SYCP2L: variants seen among roughly 807,000 people sequenced by gnomAD.
SYCP2L encodes the protein synaptonemal complex protein 2-like.
A neutral mutation model predicts 125.8 loss-of-function variants in SYCP2L; 98 were observed. The ratio of observed to expected loss-of-function variants is 0.78; its 90% confidence interval spans 0.66 to 0.92. The LOEUF (loss-of-function observed/expected upper bound fraction) is 0.92. SYCP2L is among the 40% of genes least tolerant of loss of function. The pLI is 0.00. For synonymous variants in SYCP2L, 317 were observed against 325.4 expected (o/e 0.97, Z 0.28); for missense variants, 842 against 936.4 (o/e 0.90, Z 1.32).
At chr6:10,897,440 C>T (rs972058484) in intron 4 of SYCP2L, among the ~76,000 whole-genome samples, 12 of 147,422 alleles carry the variant, frequency 8.1e-5, no homozygotes, top group Non-Finnish European at 1.2e-4. Flanking sequence ...GGTGGGGTCT[C>T]GCTCTGTTCC....
intron 2 of SYCP2L, 86 bp downstream of exon 2, chr6:10,891,667 G>A (rs933124017): frequency 7.4e-6 from 6 of 815,246 alleles, no homozygotes; most frequent in African/African-American, 7.2e-5. Flanking sequence ...GTGTGTGTAT[G>A]TGTATATGAG....
chr6:10,948,679 CCTA>C (rs946074100), intron 23 of SYCP2L, among the ~76,000 whole-genome samples: 4 of 152,070 alleles, frequency 2.6e-5, no homozygotes, highest in South Asian at 2.1e-4. Flanking sequence ...GTACTTTTCT[CCTA>C]CTGCTATTAT....
At position 10,912,403 on chromosome 6, in the gene SYCP2L, G is replaced by A. The variant is rs755752448; in HGVS notation, c.919-270G>A. Among the ~76,000 whole-genome samples the A allele has an allele frequency of 6.6e-6, 1 of 152,130 alleles. No individual in the cohort carries two copies. Reference sequence around the variant, plus strand: ...CGTGATTTTCATTAGAAAAAAAATTGTGTGGATAGAATAATGTGACACATT... The same window carrying A: ...CGTGATTTTCATTAGAAAAAAAATTATGTGGATAGAATAATGTGACACATT... On this transcript the variant is annotated intron_variant, in intron 12 of 29. Coordinates refer to ENST00000283141, the MANE Select transcript of SYCP2L (RefSeq NM_001040274.3). This position sits in a 1 kb window ranked among gnomAD's most constrained non-coding sequence, Gnocchi z 4.1.
intron 29 of SYCP2L, among the ~76,000 whole-genome samples, chr6:10,967,840 C>T (rs1781707295): frequency 6.6e-6 from 1 of 152,096 alleles, no homozygotes; most frequent in East Asian, 1.9e-4. Flanking sequence ...CTTAAGTGCC[C>T]TTTTGAGGTT....
At chr6:10,953,570 T>G (rs1581842327) in intron 23 of SYCP2L, among the ~76,000 whole-genome samples, 1 of 152,206 alleles carries the variant, frequency 6.6e-6, no homozygotes, top group East Asian at 1.9e-4. Context: ...TGTATTGAGA[T>G]CTCCATTGGG....
intron 18 of SYCP2L, 70 bp from the exon 19 acceptor site, chr6:10,930,300 A>C (rs1190027782): frequency 6.7e-7 from 1 of 1,489,378 alleles, no homozygotes; most frequent in African/African-American, 1.4e-5. Flanking sequence ...GCTTTGTAGA[A>C]TATGTTTAGT....
chr6:10,952,249 G>T (rs1364549098), intron 23 of SYCP2L, among the ~76,000 whole-genome samples: 3 of 152,248 alleles, frequency 2.0e-5, no homozygotes, highest in Non-Finnish European at 2.9e-5. Context: ...TGGTTCTTGT[G>T]CAGGAGCCTG....
At chr6:10,911,103 G>T (rs912134036) in intron 12 of SYCP2L, among the ~76,000 whole-genome samples, 1 of 152,124 alleles carries the variant, frequency 6.6e-6, no homozygotes, top group African/African-American at 2.4e-5. Context: ...GAATTTTAGG[G>T]TCTGTACTGT....
At chr6:10,927,691 T>C (rs1020604431) in intron 17 of SYCP2L, among the ~76,000 whole-genome samples, 3 of 152,186 alleles carry the variant, frequency 2.0e-5, no homozygotes, top group African/African-American at 4.8e-5. Flanking sequence ...TCGGGCACCA[T>C]TGTCATCAAT....
Position 10,942,540 on chromosome 6 carries a change from A to ATT in SYCP2L, c.1884+12_1884+13dup, listed in dbSNP as rs781720678. The ATT allele has an allele frequency of 8.8e-6, 14 of 1,598,080 alleles. No homozygotes were observed. The highest frequency in any genetic ancestry group is 1.1e-5 in the Non-Finnish European group (13 of 1,172,548). On this transcript the variant is annotated intron_variant, in intron 22 of 29. Transcript: ENST00000283141. Reference sequence around the variant, plus strand: ...GAAGAAAAACCTAAGGTACTATTTAATTGTTGGTTATTCATCTGATTTTCC... The same window carrying ATT: ...GAAGAAAAACCTAAGGTACTATTTAATTTTGTTGGTTATTCATCTGATTTTCC...
rs75492310 is a variant in SYCP2L, at chr6:10,913,385, C to T, written c.1072+458C>T. On this transcript the variant is annotated intron_variant, in intron 14 of 29. Transcript: ENST00000283141. ...GAAATGAAGGTGCCTGCCCCCTCTA[C>T]GGAGATGGATTGCCAGGCTCTCTTG... Among the ~76,000 whole-genome samples, 64 of 152,262 alleles carry T rather than the reference C, an allele frequency of 4.2e-4. No homozygotes were observed. In the East Asian group the frequency reaches 0.01, roughly 24 times the overall value.
chr6:10,928,378 C>A (rs1194871944), intron 17 of SYCP2L, 25 bp from the exon 18 acceptor site: 1 of 1,175,958 alleles, frequency 8.5e-7, no homozygotes, highest in Admixed American at 1.9e-5. Flanking sequence ...ATGAAATCTT[C>A]ACAATCCACG....
Position 10,912,682 on chromosome 6 carries a change from C to A in SYCP2L, c.928C>A (p.Pro310Thr). The A allele has an allele frequency of 6.2e-7, 1 of 1,612,554 alleles. No individual in the cohort carries two copies. Residue 310 changes from proline (P) to threonine (T), a missense_variant, in exon 13 of 30, where the codon CCA becomes ACA. By Grantham distance (38) the Pro-to-Thr change is conservative. Transcript: ENST00000283141. This position sits in a 1 kb window ranked among gnomAD's most constrained non-coding sequence, Gnocchi z 4.1. ...AFADEHEMRK[P>T]ADEKLEKFWI... ...AAATGATCTCTTACAGATGAGAAAA[C>A]CAGCGGATGAAAAATTAGAGAAATT...
intron 8 of SYCP2L, among the ~76,000 whole-genome samples, chr6:10,905,381 C>T (rs1780470895): frequency 6.6e-6 from 1 of 151,850 alleles, no homozygotes; most frequent in African/African-American, 2.4e-5. Context: ...CAACCTCCGC[C>T]TCCCGGGTTC....
chr6:10,906,024 G>A lies in SYCP2L; in HGVS notation c.646G>A (p.Asp216Asn). The change falls in exon 9 of 30, where the codon GAC (aspartate) becomes AAC (asparagine). Residue 216 changes from aspartate to asparagine, a missense_variant. By Grantham distance (23) the Asp-to-Asn change is conservative. Transcript: ENST00000283141. ...TGATTTATCTAAATGTTTCAGGAAA[G>A]ACCTTGCAAGGACACTCTTGACTGT... is the stretch of plus-strand genomic sequence containing the variant. Reference protein sequence around the residue: ...LSEGMCHLMKDLARTLLTVGD... With the variant: ...LSEGMCHLMKNLARTLLTVGD... 1 of 1,599,192 alleles carries A rather than the reference G, an allele frequency of 6.3e-7. No individual in the cohort carries two copies. Among genetic ancestry groups the A allele is most frequent in the Non-Finnish European group, 8.6e-7 (1 of 1,168,680 alleles).
chr6:10,927,147 A>G (rs1247309810), intron 16 of SYCP2L, 93 bp from the exon 17 acceptor site: 14 of 1,536,044 alleles, frequency 9.1e-6, no homozygotes, highest in Non-Finnish European at 1.1e-5. Flanking sequence ...CAAAGGATGG[A>G]GAGGTACCAG....
chr6:10,902,920 G>A lies in SYCP2L; in HGVS notation c.598G>A (p.Glu200Lys), dbSNP rs200655499. The change falls in exon 8 of 30, where the codon GAG becomes AAG. Residue 200 changes from glutamate to lysine, a missense_variant. By Grantham distance (56) the Glu-to-Lys change is moderately conservative. Transcript: ENST00000283141. The part of the protein sequence containing the change: ...NCILHAVPRE[E>K]RKKFPLSEGM... ...CATTTTGCACGCTGTCCCTCGAGAA[G>A]AGAGAAAAAAATTCCCTTTGTCAGA... 4.8e-4 allele frequency: 781 copies of A among 1,614,016 alleles called. No homozygotes were observed. Among genetic ancestry groups the A allele is most frequent in the Non-Finnish European group, 6.2e-4 (727 of 1,180,030 alleles).
In SYCP2L at chr6:10,924,635, C is replaced by A. The variant is rs1165296794; in HGVS notation, c.1212C>A (p.Asp404Glu). 6.4e-7 allele frequency: 1 copy of A among 1,562,854 alleles called. No individual in the cohort carries two copies. The highest frequency in any genetic ancestry group is 8.6e-7 in the Non-Finnish European group (1 of 1,162,870). Residue 404 changes from aspartate to glutamate, a missense_variant, in exon 15 of 30, where the codon GAC becomes GAA. Physicochemically the swap from Asp to Glu is conservative, Grantham distance 45. Coordinates refer to ENST00000283141, the MANE Select transcript of SYCP2L (RefSeq NM_001040274.3). ...TTTCCATTCAAGCTTTAGGAGAAGA[C>A]AAACAGGTGGCAGGTTTCATTCTTT... ...SQVSIQALGEDKQMLPDQTKI... is the reference protein window; with the variant it reads ...SQVSIQALGEEKQMLPDQTKI...
At chr6:10,932,973 C>T (rs1036179947) in intron 20 of SYCP2L, among the ~76,000 whole-genome samples, 3 of 152,156 alleles carry the variant, frequency 2.0e-5, no homozygotes, top group Non-Finnish European at 2.9e-5. Context: ...AGGCTGGTTT[C>T]GAACTCCTGA....
Sources: allele counts gnomAD v4.1 joint callset (sites outside exome capture counted in the v4.1 genomes callset), GRCh38; gene constraint gnomAD v4.1.1; non-coding constraint Gnocchi (gnomAD v3.1); transcripts MANE v1.5; gene names NCBI Gene and HGNC (gene_info 2026-07-23, HGNC 2026-07-21).